Variants in SH3RF3 observed in about 807,000 individuals in gnomAD.
The protein encoded by SH3RF3 is E3 ubiquitin-protein ligase SH3RF3.
SH3RF3 carries 29 observed loss-of-function variants against 66.3 expected under a neutral mutation model. The observed-to-expected ratio is 0.44, with a 90% confidence interval of 0.33 to 0.60. The LOEUF is 0.60. SH3RF3 is among the 20% of genes least tolerant of loss of function. The pLI, the probability that SH3RF3 is intolerant of heterozygous loss-of-function variation, is 0.04. For synonymous variants in SH3RF3, 583 were observed against 532.0 expected (o/e 1.10, Z -1.32); for missense variants, 1,194 against 1,190.9 (o/e 1.00, Z -0.04).
intron 3 of SH3RF3, among the ~76,000 whole-genome samples, chr2:109,382,645 C>G (rs1461427871): frequency 6.6e-6 from 1 of 152,196 alleles, no homozygotes; most frequent in South Asian, 2.1e-4. Context: ...TCTTCAAATC[C>G]TTCTGGTGCA....
chr2:109,240,436 C>T (rs1485924307), intron 1 of SH3RF3, among the ~76,000 whole-genome samples: 6 of 152,028 alleles, frequency 3.9e-5, no homozygotes, highest in Admixed American at 6.6e-5. Flanking sequence ...TGCAGTGAGC[C>T]AAGATCGCAC....
intron 1 of SH3RF3, among the ~76,000 whole-genome samples, chr2:109,188,179 C>T (rs1678247479): frequency 6.6e-6 from 1 of 152,214 alleles, no homozygotes; most frequent in African/African-American, 2.4e-5. Flanking sequence ...AAGAACCAGA[C>T]CTTGCTCCCT....
intron 4 of SH3RF3, among the ~76,000 whole-genome samples, chr2:109,416,046 A>C (rs549652625): frequency 3.3e-5 from 5 of 152,348 alleles, no homozygotes; most frequent in Admixed American, 3.3e-4. Context: ...CCCACCAGCA[A>C]GAAGGCTGTC....
chr2:109,306,655 G>A (rs537780694), intron 1 of SH3RF3, among the ~76,000 whole-genome samples: 2 of 152,312 alleles, frequency 1.3e-5, no homozygotes, highest in East Asian at 3.9e-4. Context: ...GTTAGCAGTC[G>A]GTGGACCCCA....
intron 6 of SH3RF3, among the ~76,000 whole-genome samples, chr2:109,435,055 CAAAGAATGGCAGAGCCAGGAATAAACATT>C (rs1471525186): frequency 6.6e-6 from 1 of 152,022 alleles, no homozygotes; most frequent in Non-Finnish European, 1.5e-5. Context: ...CTGTGTTTTC[CAAAGAATGGCAGAGCCAGGAATAAACATT>C]AAGGAAAAGC....
At chr2:109,235,216 C>T (rs1311026508) in intron 1 of SH3RF3, among the ~76,000 whole-genome samples, 3 of 152,166 alleles carry the variant, frequency 2.0e-5, no homozygotes, top group South Asian at 2.1e-4. Flanking sequence ...TTAAGGACAG[C>T]GAGCATGTAA....
chr2:109,359,127 C>T (rs1307876459), intron 2 of SH3RF3, among the ~76,000 whole-genome samples: 16 of 152,144 alleles, frequency 1.1e-4, no homozygotes, highest in Admixed American at 9.8e-4. Flanking sequence ...TCTTCCATTC[C>T]ATTGATCTAG....
intron 1 of SH3RF3, among the ~76,000 whole-genome samples, chr2:109,139,116 A>G (rs1208540737): frequency 6.6e-6 from 1 of 152,224 alleles, no homozygotes; most frequent in Non-Finnish European, 1.5e-5. Flanking sequence ...TGGATAAGCC[A>G]CTGGATTCCT....
chr2:109,188,620 G>A (rs1051138809), intron 1 of SH3RF3, among the ~76,000 whole-genome samples: 22 of 152,344 alleles, frequency 1.4e-4, no homozygotes, highest in African/African-American at 5.1e-4. Context: ...CCTATGGTGA[G>A]GGTGCAGTCA....
At chr2:109,151,806 A>G (rs1677230970) in intron 1 of SH3RF3, among the ~76,000 whole-genome samples, 2 of 152,220 alleles carry the variant, frequency 1.3e-5, no homozygotes, top group African/African-American at 4.8e-5. Flanking sequence ...ACTCTAATAG[A>G]TTTGCATCTG....
At chr2:109,173,679 C>T (rs142629456) in intron 1 of SH3RF3, among the ~76,000 whole-genome samples, 6 of 152,242 alleles carry the variant, frequency 3.9e-5, no homozygotes, top group South Asian at 2.1e-4. Flanking sequence ...AGGAGACCCA[C>T]GGCAAAGACA....
At chr2:109,482,315 AGTCC>A (rs1678855438) in intron 8 of SH3RF3, among the ~76,000 whole-genome samples, 1 of 152,204 alleles carries the variant, frequency 6.6e-6, no homozygotes, top group Admixed American at 6.5e-5. Context: ...ATAATTATGT[AGTCC>A]GTTTTACACA....
At chr2:109,456,898 C>T (rs1678074066) in intron 8 of SH3RF3, among the ~76,000 whole-genome samples, 2 of 152,200 alleles carry the variant, frequency 1.3e-5, no homozygotes, top group Admixed American at 1.3e-4. Flanking sequence ...TGCCGCTGAG[C>T]CTTCAGAAAG....
intron 4 of SH3RF3, among the ~76,000 whole-genome samples, chr2:109,409,597 T>C (rs1676534132): frequency 6.6e-6 from 1 of 152,072 alleles, no homozygotes; most frequent in South Asian, 2.1e-4. Context: ...GCAGTTCCCC[T>C]CACCAGCTGA....
At chr2:109,272,865 A>G (rs1680660931) in intron 1 of SH3RF3, among the ~76,000 whole-genome samples, 1 of 152,186 alleles carries the variant, frequency 6.6e-6, no homozygotes, top group Non-Finnish European at 1.5e-5. Context: ...CTGTCGGCAA[A>G]CGTTCTCTAA....
At chr2:109,462,880 A>G (rs11685400) in intron 8 of SH3RF3, among the ~76,000 whole-genome samples, 84,188 of 152,038 alleles carry the variant, frequency 0.55, 23,473 homozygotes, top group Admixed American at 0.57. Flanking sequence ...CCATAGTGAC[A>G]TTTGGCTCTC....
intron 7 of SH3RF3, among the ~76,000 whole-genome samples, chr2:109,447,248 A>G (rs577467075): frequency 6.6e-6 from 1 of 151,874 alleles, no homozygotes; most frequent in South Asian, 2.1e-4. Flanking sequence ...TAGAAACAGC[A>G]GGCTGCCTAA....
chr2:109,208,104 G>C (rs376139750), intron 1 of SH3RF3, among the ~76,000 whole-genome samples: 1 of 128,096 alleles, frequency 7.8e-6, no homozygotes, highest in Non-Finnish European at 1.5e-5. Context: ...TGGGCCCTCA[G>C]ACACACATGC....
intron 3 of SH3RF3, among the ~76,000 whole-genome samples, chr2:109,374,442 A>C (rs1327629586): frequency 6.6e-6 from 1 of 152,168 alleles, no homozygotes; most frequent in Non-Finnish European, 1.5e-5. Flanking sequence ...CACCACATGG[A>C]TCCTGGTGGA....
Sources: allele counts gnomAD v4.1 joint callset (sites outside exome capture counted in the v4.1 genomes callset), GRCh38; gene constraint gnomAD v4.1.1; transcripts MANE v1.5; gene names NCBI Gene and HGNC (gene_info 2026-07-23, HGNC 2026-07-21).